LRBA: variants seen among roughly 807,000 people sequenced by gnomAD.
LRBA encodes lipopolysaccharide-responsive and beige-like anchor protein.
Under a neutral mutation model 330.0 loss-of-function variants are expected in LRBA, and 176 were observed. That is an observed-to-expected ratio of 0.53 (90% CI 0.47 to 0.60). The LOEUF is 0.60. Among genes scored for constraint, LRBA ranks in the 20% least tolerant of loss-of-function variants. The pLI, the probability that LRBA is intolerant of heterozygous loss-of-function variation, is 0.00. For missense variants in LRBA, 3,259 were observed against 3,444.8 expected, an observed-to-expected ratio of 0.95 and a Z score of 1.35; for synonymous variants, 1,230 against 1,193.0, an observed-to-expected ratio of 1.03 and a Z score of -0.64.
At chr4:150,946,592 A>G (rs1736273717) in intron 2 of LRBA, among the ~76,000 whole-genome samples, 1 of 152,052 alleles carries the variant, frequency 6.6e-6, no homozygotes, top group Non-Finnish European at 1.5e-5. Context: ...AAAATATAAT[A>G]TATCAAAATT....
At chr4:150,865,874 C>T (rs994559219) in intron 22 of LRBA, among the ~76,000 whole-genome samples, 3 of 152,072 alleles carry the variant, frequency 2.0e-5, no homozygotes, top group African/African-American at 7.2e-5. Context: ...CGCCACCACG[C>T]CTGGCTAATG....
At chr4:150,803,724 A>G (rs1043685035) in intron 33 of LRBA, among the ~76,000 whole-genome samples, 2 of 152,192 alleles carry the variant, frequency 1.3e-5, no homozygotes, top group Non-Finnish European at 2.9e-5. Flanking sequence ...CATAAGTTAC[A>G]TAAGAACTCT....
At chr4:150,342,025 TC>T (rs1209751056) in intron 48 of LRBA, among the ~76,000 whole-genome samples, 3 of 151,838 alleles carry the variant, frequency 2.0e-5, no homozygotes, top group African/African-American at 7.2e-5. Flanking sequence ...AAAATATTCA[TC>T]ATGTATTTAA....
rs756707043 is a variant in LRBA at position 150,542,650 on chromosome 4, G to GTTAATCAA, written c.6330+45397_6330+45398insTTGATTAA. Among the ~76,000 whole-genome samples, 163 of 152,178 alleles carry GTTAATCAA rather than the reference G, an allele frequency of 1.1e-3. 1 individual carries two copies. Among genetic ancestry groups the GTTAATCAA allele is most frequent in the Admixed American group, 2.4e-3 (37 of 15,282 alleles). ...CAGCTAACGAGAAGAAATCAATAAA[G>GTTAATCAA]GAAAGTTAATATAAACACAAAGCAA... On this transcript the variant is annotated intron_variant, in intron 40 of 56. Transcript: ENST00000651943.
At chr4:150,729,375 CA>C (rs1400973977) in intron 36 of LRBA, among the ~76,000 whole-genome samples, 2 of 151,782 alleles carry the variant, frequency 1.3e-5, no homozygotes, top group Non-Finnish European at 2.9e-5. Flanking sequence ...AACATGAATT[CA>C]AAAAAGTAAT....
At chr4:150,941,256 G>A (rs540230877) in intron 2 of LRBA, among the ~76,000 whole-genome samples, 7 of 152,158 alleles carry the variant, frequency 4.6e-5, no homozygotes, top group African/African-American at 1.7e-4. Context: ...GGGTTCAAGC[G>A]ATTCTCCTGC....
chr4:150,670,961 A>G (rs1781995683), intron 37 of LRBA, among the ~76,000 whole-genome samples: 2 of 148,942 alleles, frequency 1.3e-5, no homozygotes, highest in Non-Finnish European at 3.0e-5. Flanking sequence ...GTTCATTTGT[A>G]ATGCTGTTAG....
intron 55 of LRBA, among the ~76,000 whole-genome samples, chr4:150,280,387 C>A (rs78084419): frequency 6.6e-6 from 1 of 152,336 alleles, no homozygotes; most frequent in Non-Finnish European, 1.5e-5. Context: ...GGGATGACCA[C>A]ATTCTAAAAC....
intron 56 of LRBA, among the ~76,000 whole-genome samples, chr4:150,270,930 T>C (rs538385399): frequency 2.0e-5 from 3 of 152,354 alleles, no homozygotes; most frequent in Admixed American, 6.5e-5. Context: ...AATCGCCGAA[T>C]AGGAGCAGAT....
At chr4:150,386,595 T>G (rs947335063) in intron 47 of LRBA, among the ~76,000 whole-genome samples, 3 of 151,944 alleles carry the variant, frequency 2.0e-5, no homozygotes, top group African/African-American at 4.8e-5. Context: ...AAAGACATGA[T>G]CTCATTCTTT....
intron 12 of LRBA, 82 bp downstream of exon 12, chr4:150,906,215 G>C (rs976807346): frequency 5.3e-6 from 5 of 938,154 alleles, no homozygotes; most frequent in African/African-American, 3.3e-5. Context: ...CATTCTTGCA[G>C]ACAGAATTCC....
rs144435687 is a variant in LRBA at position 151,000,918 on chromosome 4, C to A, written c.216+13509G>T. Among the ~76,000 whole-genome samples the A allele has an allele frequency of 8.5e-5, 13 of 152,314 alleles. No homozygotes were observed. The East Asian group carries it at 2.3e-3, about 27-fold the overall frequency. Reference sequence around the variant, plus strand: ...GGGAGCCGAGAGACAATCCCCACTGCGGGGAAACAGTAAGTGGGAGACTCC... The same window carrying A: ...GGGAGCCGAGAGACAATCCCCACTGAGGGGAAACAGTAAGTGGGAGACTCC... On this transcript the variant is annotated intron_variant, in intron 2 of 56. Transcript: ENST00000651943.
chr4:150,594,373 T>C (rs1442652288), intron 38 of LRBA, among the ~76,000 whole-genome samples: 3 of 151,930 alleles, frequency 2.0e-5, no homozygotes, highest in Non-Finnish European at 4.4e-5. Context: ...ATCATGTTTA[T>C]ATGTACTGGG....
chr4:150,856,147 G>A (rs1277938167), intron 22 of LRBA, among the ~76,000 whole-genome samples: 1 of 152,274 alleles, frequency 6.6e-6, no homozygotes, highest in Non-Finnish European at 1.5e-5. Flanking sequence ...ATGTCTTTGT[G>A]GAGTGAAGTG....
At chr4:150,412,055 T>A (rs1192173351) in intron 47 of LRBA, among the ~76,000 whole-genome samples, 1 of 152,180 alleles carries the variant, frequency 6.6e-6, no homozygotes, top group Non-Finnish European at 1.5e-5. Flanking sequence ...AAAATAAATA[T>A]TTTGAATGAA....
intron 44 of LRBA, among the ~76,000 whole-genome samples, chr4:150,439,088 G>C (rs530477237): frequency 2.2e-4 from 33 of 152,066 alleles, no homozygotes; most frequent in Non-Finnish European, 2.5e-4. Flanking sequence ...ATGTATTTTA[G>C]TTGTTGTCCC....
chr4:150,388,330 T>C (rs1018587800), intron 47 of LRBA, among the ~76,000 whole-genome samples: 8 of 152,250 alleles, frequency 5.3e-5, no homozygotes, highest in African/African-American at 1.9e-4. Context: ...ATTCAGGCCA[T>C]AGCATTCTGC....
At chr4:150,663,497 T>C (rs1168479612) in intron 37 of LRBA, among the ~76,000 whole-genome samples, 1 of 151,974 alleles carries the variant, frequency 6.6e-6, no homozygotes, top group Non-Finnish European at 1.5e-5. Context: ...AAACTCAGTT[T>C]ATTCCTGTGT....
At chr4:150,631,417 A>T (rs1431616554) in intron 37 of LRBA, among the ~76,000 whole-genome samples, 2 of 152,210 alleles carry the variant, frequency 1.3e-5, no homozygotes, top group South Asian at 4.1e-4. Context: ...AGTGGAAGGC[A>T]TCCAATTTAG....
Sources: allele counts gnomAD v4.1 joint callset (sites outside exome capture counted in the v4.1 genomes callset), GRCh38; gene constraint gnomAD v4.1.1; transcripts MANE v1.5; gene names NCBI Gene and HGNC (gene_info 2026-07-23, HGNC 2026-07-21).